Variants in UNC5C observed in about 807,000 individuals in gnomAD.
UNC5C encodes unc-5 netrin receptor C.
In UNC5C, 47 loss-of-function variants were observed where a neutral mutation model predicts 99.8. The ratio of observed to expected loss-of-function variants is 0.47; its 90% CI spans 0.37 to 0.60. The LOEUF is 0.60. UNC5C is among the 20% of genes least tolerant of loss of function. The probability of loss-of-function intolerance (pLI) is 0.00; values close to 1 mark genes in which losing one functional copy is unlikely to be tolerated. For synonymous variants in UNC5C, 487 were observed against 452.2 expected, an observed-to-expected ratio of 1.08 and a Z score of -0.98; for missense variants, 1,062 against 1,165.9, an observed-to-expected ratio of 0.91 and a Z score of 1.30.
chr4:95,459,743 G>A (rs906476165), intron 1 of UNC5C, among the ~76,000 whole-genome samples: 1 of 152,100 alleles, frequency 6.6e-6, no homozygotes, highest in East Asian at 1.9e-4. Context: ...TCATTCTAAA[G>A]GTGGTTCACC....
intron 1 of UNC5C, among the ~76,000 whole-genome samples, chr4:95,358,967 C>T (rs931906944): frequency 4.6e-5 from 7 of 152,154 alleles, no homozygotes; most frequent in Non-Finnish European, 8.8e-5. Context: ...TCCAAGGACT[C>T]TGGCTATGCT....
At chr4:95,498,884 G>A (rs1250645915) in intron 1 of UNC5C, among the ~76,000 whole-genome samples, 1 of 151,962 alleles carries the variant, frequency 6.6e-6, no homozygotes, top group Non-Finnish European at 1.5e-5. Context: ...GCTATCTTTT[G>A]CTGCAACAAA....
At chr4:95,470,741 A>G (rs1196054505) in intron 1 of UNC5C, among the ~76,000 whole-genome samples, 2 of 152,162 alleles carry the variant, frequency 1.3e-5, no homozygotes, top group African/African-American at 4.8e-5. Context: ...AAAAGAAGCA[A>G]CATTTTGATT....
At chr4:95,476,051 G>A (rs201522091) in intron 1 of UNC5C, among the ~76,000 whole-genome samples, 1 of 151,950 alleles carries the variant, frequency 6.6e-6, no homozygotes, top group African/African-American at 2.4e-5. Context: ...ATAACTTAAC[G>A]GGCCCATTTT....
At chr4:95,255,689 C>CT (rs1158569712) in intron 4 of UNC5C, among the ~76,000 whole-genome samples, 1 of 152,140 alleles carries the variant, frequency 6.6e-6, no homozygotes, top group Non-Finnish European at 1.5e-5. Flanking sequence ...CAATTCTCTT[C>CT]TTTCTCTCCT....
At chr4:95,403,509 C>T (rs1260538863) in intron 1 of UNC5C, among the ~76,000 whole-genome samples, 1 of 152,194 alleles carries the variant, frequency 6.6e-6, no homozygotes, top group Admixed American at 6.5e-5. Context: ...CTAATACTTT[C>T]ACTTTATTTC....
intron 1 of UNC5C, among the ~76,000 whole-genome samples, chr4:95,414,349 C>T (rs1746096973): frequency 6.6e-6 from 1 of 152,166 alleles, no homozygotes; most frequent in Admixed American, 6.5e-5. Flanking sequence ...CCTACAAAGG[C>T]CACTCTATGC....
At chr4:95,300,514 G>T (rs1741828370) in intron 3 of UNC5C, among the ~76,000 whole-genome samples, 1 of 152,038 alleles carries the variant, frequency 6.6e-6, no homozygotes, top group South Asian at 2.1e-4. Context: ...AAATAGAGAA[G>T]CTTTATCTTG....
intron 1 of UNC5C, among the ~76,000 whole-genome samples, chr4:95,365,116 G>A (rs1744514426): frequency 6.6e-6 from 1 of 151,038 alleles, no homozygotes; most frequent in Admixed American, 6.6e-5. Context: ...CCAACATGGT[G>A]AAACCCTGTC....
At chr4:95,297,563 A>G (rs900701349) in intron 3 of UNC5C, among the ~76,000 whole-genome samples, 3 of 152,196 alleles carry the variant, frequency 2.0e-5, no homozygotes, top group African/African-American at 7.2e-5. Flanking sequence ...TTACGAGTGA[A>G]TATAATTGAA....
At chr4:95,237,815 C>A (rs184410886) in intron 7 of UNC5C, among the ~76,000 whole-genome samples, 3 of 152,044 alleles carry the variant, frequency 2.0e-5, no homozygotes, top group Non-Finnish European at 4.4e-5. Flanking sequence ...GAAGCCGACG[C>A]GGCAGATGAC....
chr4:95,169,987 C>G (rs571258348), intron 15 of UNC5C, among the ~76,000 whole-genome samples, 167 bp downstream of exon 15: 7 of 152,132 alleles, frequency 4.6e-5, no homozygotes, highest in Non-Finnish European at 1.0e-4. Flanking sequence ...TCTTTGCAAG[C>G]CCGTAGTGCA....
intron 14 of UNC5C, among the ~76,000 whole-genome samples, chr4:95,177,097 C>T (rs1028223327): frequency 7.2e-5 from 11 of 152,310 alleles, no homozygotes; most frequent in African/African-American, 1.9e-4. Flanking sequence ...TGCCCTCCTT[C>T]GGCTCACGCA....
intron 1 of UNC5C, among the ~76,000 whole-genome samples, chr4:95,345,813 T>C (rs1316291331): frequency 2.6e-5 from 4 of 151,774 alleles, no homozygotes; most frequent in South Asian, 2.1e-4. Context: ...CAAATGATAA[T>C]GGAAACACAA....
At chr4:95,431,812 C>T (rs552782752) in intron 1 of UNC5C, among the ~76,000 whole-genome samples, 273 of 152,104 alleles carry the variant, frequency 1.8e-3, no homozygotes, top group African/African-American at 6.3e-3. Flanking sequence ...AATGCTGAAA[C>T]ACAGGGGACT....
intron 1 of UNC5C, among the ~76,000 whole-genome samples, chr4:95,418,608 T>C (rs1045197398): frequency 2.0e-5 from 3 of 152,146 alleles, no homozygotes; most frequent in African/African-American, 4.8e-5. Flanking sequence ...ATAACATGAA[T>C]ATCATTTACT....
chr4:95,391,696 C>A (rs1745363366), intron 1 of UNC5C, among the ~76,000 whole-genome samples: 1 of 151,254 alleles, frequency 6.6e-6, no homozygotes, highest in South Asian at 2.1e-4. Context: ...ATGACCAATC[C>A]CTTAACTTTG....
intron 1 of UNC5C, among the ~76,000 whole-genome samples, chr4:95,499,118 T>C (rs1234668705): frequency 6.6e-6 from 1 of 152,114 alleles, no homozygotes; most frequent in Non-Finnish European, 1.5e-5. Flanking sequence ...ATACTTCTTA[T>C]TCTAGGACAG....
In UNC5C at chr4:95,208,170, A is replaced by G. The variant is rs186348129; in HGVS notation, c.1734-1374T>C. On this transcript the variant is annotated intron_variant, in intron 10 of 15. Transcript: ENST00000453304. ...GAGAGAGTATTTTCTTTGATTTGCC[A>G]TCTGTGTTTGTATTCATGCCTCACA... Among the ~76,000 whole-genome samples, 513 of 152,288 alleles carry G rather than the reference A, an allele frequency of 3.4e-3. 2 individuals are homozygous for G. The highest frequency in any genetic ancestry group is 0.012 in the African/African-American group (484 of 41,564).
Sources: gnomAD v4.1 joint callset for allele counts (sites outside exome capture counted in the v4.1 genomes callset) on GRCh38, gnomAD v4.1.1 for gene constraint, MANE v1.5 for transcripts, NCBI Gene and HGNC (gene_info 2026-07-23, HGNC 2026-07-21) for gene names.